OR2T11: variants seen among roughly 807,000 people sequenced by gnomAD.
OR2T11 encodes olfactory receptor family 2 subfamily T member 11, also known as olfactory receptor 2T11.
OR2T11 carries 14 observed loss-of-function variants against 13.5 expected under a neutral mutation model. The observed-to-expected ratio is 1.04, with a 90% CI of 0.69 to 1.62. OR2T11 has a LOEUF of 1.62. Among genes scored for constraint, OR2T11 ranks in the 40% most tolerant of loss-of-function variants. OR2T11 has a pLI of 0.00. For synonymous variants in OR2T11, 163 were observed against 154.6 expected (o/e 1.05, Z -0.40); for missense variants, 410 against 389.7 (o/e 1.05, Z -0.44).
In OR2T11 at chr1:248,629,078, A is replaced by G. The variant is rs1660566879; in HGVS notation, c.-144-1806T>C. On this transcript the variant is annotated intron_variant, in intron 1 of 1. Coordinates refer to ENST00000641193, the MANE Select transcript of OR2T11 (RefSeq NM_001001964.2). ...AGAGAGCACATCTCTTTGTCATATT[A>G]AACAAATTCAAACATTTTATCCAAA... is the stretch of plus-strand genomic sequence containing the variant. Among the ~76,000 whole-genome samples the G allele has an allele frequency of 1.4e-5, 2 of 143,748 alleles. 1 individual carries two copies. Among genetic ancestry groups the G allele is most frequent in the Non-Finnish European group, 3.0e-5 (2 of 66,372 alleles). The allele number at this position is 143,748 out of a possible 152,430, so 94.3% of individuals were successfully genotyped here. A position where few individuals can be genotyped will look rare whatever the true frequency, so the allele number is the denominator to read the frequency against.
chr1:248,628,252 C>T (rs969089033), intron 1 of OR2T11, among the ~76,000 whole-genome samples: 1 of 143,258 alleles, frequency 7.0e-6, no homozygotes. Context: ...TTTAACATAC[C>T]AGGTGGAAGA....
In OR2T11 at chr1:248,627,204, A is replaced by G. The variant is rs368210447; in HGVS notation, c.-76T>C. 27 of 858,506 alleles carry G rather than the reference A, an allele frequency of 3.1e-5. 1 individual carries two copies. The highest frequency in any genetic ancestry group is 3.1e-4 in the East Asian group (12 of 39,088). The allele number at this position is 858,506 out of a possible 1,614,324, so 53.2% of individuals were successfully genotyped here. A position where few individuals can be genotyped will look rare whatever the true frequency, so the allele number is the denominator to read the frequency against. ...AAGGAGGCAAGAGAACACGGTCAAG[A>G]TGGGAAAGGTCTGCAGTAGAGGTGA... is the stretch of plus-strand genomic sequence containing the variant. On this transcript the variant is annotated 5_prime_UTR_variant, in exon 2 of 2. Coordinates refer to ENST00000641193, the MANE Select transcript of OR2T11 (RefSeq NM_001001964.2).
At chr1:248,634,728 AACTTC>A (rs67460551) in intron 1 of OR2T11, among the ~76,000 whole-genome samples, 126,847 of 138,144 alleles carry the variant, frequency 0.92, 59,997 homozygotes, top group East Asian at 1. Flanking sequence ...TTCTTAGCAG[AACTTC>A]ACTTCATTTA....
chr1:248,630,794 G>A (rs1437668992), intron 1 of OR2T11, among the ~76,000 whole-genome samples: 1 of 143,546 alleles, frequency 7.0e-6, no homozygotes, highest in East Asian at 2.0e-4. Context: ...ATGTGCTAAT[G>A]TCTGGAACCG....
At position 248,625,575 on chromosome 1, in the gene OR2T11, C is replaced by CA. The variant is rs1210744574; in HGVS notation, c.*602dup. On this transcript the variant is annotated 3_prime_UTR_variant, in exon 2 of 2. Transcript: ENST00000641193. ...GAGTAGCTGTGTCATGCTGAACCTCCACCCATTCATACTCAGTTCTGTTCA... is the reference window on the plus strand; with the variant it reads ...GAGTAGCTGTGTCATGCTGAACCTCCAACCCATTCATACTCAGTTCTGTTCA... 6.9e-6 allele frequency: 1 copy of CA among 144,206 alleles called. No homozygotes were observed. Among genetic ancestry groups the CA allele is most frequent in the Non-Finnish European group, 1.5e-5 (1 of 66,690 alleles). 8.9% of individuals were successfully genotyped at this position (144,206 alleles called of 1,614,324 possible).
In OR2T11 at chr1:248,627,221, T is replaced by C. The variant is rs986550692; in HGVS notation, c.-93A>G. 2.8e-6 allele frequency: 2 copies of C among 722,756 alleles called. No homozygotes were observed. The highest frequency in any genetic ancestry group is 2.3e-5 in the Admixed American group (1 of 42,658). 44.8% of individuals were successfully genotyped at this position (722,756 alleles called of 1,614,324 possible). A position where few individuals can be genotyped will look rare whatever the true frequency, so the allele number is the denominator to read the frequency against. On this transcript the variant is annotated 5_prime_UTR_variant, in exon 2 of 2. Transcript: ENST00000641193. ...CGGTCAAGATGGGAAAGGTCTGCAG[T>C]AGAGGTGACACTTCTGAGGGTACCG...
At chr1:248,629,626 C>A (rs1660576250) in intron 1 of OR2T11, among the ~76,000 whole-genome samples, 1 of 138,092 alleles carries the variant, frequency 7.2e-6, no homozygotes, top group South Asian at 2.3e-4. Flanking sequence ...CCACTTTCTG[C>A]TTGAAACCCT....
In OR2T11 at chr1:248,624,728, CTGTATTTA is replaced by C. The variant is rs1660490888; in HGVS notation, c.*1442_*1449del. 1.4e-5 allele frequency: 2 copies of C among 144,064 alleles called. No individual in the cohort carries two copies. The highest frequency in any genetic ancestry group is 2.2e-4 in the South Asian group (1 of 4,610). 8.9% of individuals were successfully genotyped at this position (144,064 alleles called of 1,614,324 possible). A position where few individuals can be genotyped will look rare whatever the true frequency, so the allele number is the denominator to read the frequency against. Reference sequence around the variant, plus strand: ...CTTTACATATAGCTTCAATATCTTTCTGTATTTATGTATTTATCTTGAGACAAGGCCTC... The same window carrying C: ...CTTTACATATAGCTTCAATATCTTTCTGTATTTATCTTGAGACAAGGCCTC... On this transcript the variant is annotated 3_prime_UTR_variant, in exon 2 of 2. Coordinates refer to ENST00000641193, the MANE Select transcript of OR2T11 (RefSeq NM_001001964.2).
intron 1 of OR2T11, among the ~76,000 whole-genome samples, chr1:248,632,090 TTA>T (rs951333636): frequency 2.1e-5 from 3 of 143,486 alleles, no homozygotes; most frequent in Non-Finnish European, 3.0e-5. Context: ...TATGAATGTG[TTA>T]TCACATGTAC....
Position 248,627,228 on chromosome 1 carries a change from G to A in OR2T11, c.-100C>T, listed in dbSNP as rs914638767. 3.0e-5 allele frequency: 21 copies of A among 695,256 alleles called. 1 individual carries two copies. The African/African-American group carries it at 3.8e-4, about 13-fold the overall frequency. 43.1% of individuals were successfully genotyped at this position (695,256 alleles called of 1,614,324 possible). ...GATGGGAAAGGTCTGCAGTAGAGGTGACACTTCTGAGGGTACCGTCAGGAT... is the reference window on the plus strand; with the variant it reads ...GATGGGAAAGGTCTGCAGTAGAGGTAACACTTCTGAGGGTACCGTCAGGAT... On this transcript the variant is annotated 5_prime_UTR_variant, in exon 2 of 2. Transcript: ENST00000641193.
chr1:248,627,757 G>A lies in OR2T11; in HGVS notation c.-144-485C>T, dbSNP rs146190708. Among the ~76,000 whole-genome samples the A allele has an allele frequency of 2.5e-3, 351 of 142,634 alleles. 60 individuals are homozygous for A. The highest frequency in any genetic ancestry group is 9.2e-3 in the African/African-American group (333 of 36,108). 93.6% of individuals were successfully genotyped at this position (142,634 alleles called of 152,430 possible). ...TTAGGGTAACCGTAAGTCAAATAGC[G>A]TAGGTTGTGCTCACATTACTAATTT... On this transcript the variant is annotated intron_variant, in intron 1 of 1. Coordinates refer to ENST00000641193, the MANE Select transcript of OR2T11 (RefSeq NM_001001964.2).
intron 1 of OR2T11, among the ~76,000 whole-genome samples, chr1:248,632,228 T>A (rs1660624291): frequency 7.0e-6 from 1 of 143,674 alleles, no homozygotes; most frequent in Admixed American, 6.8e-5. Flanking sequence ...TCAATTGAAA[T>A]GGTACTAGTG....
rs748384784 is a variant in OR2T11, at chr1:248,625,092, C to T, written c.*1086G>A. On this transcript the variant is annotated 3_prime_UTR_variant, in exon 2 of 2. Transcript: ENST00000641193. ...GTGAATTCTTGACTTCTGCTACCGACAAGTTTTCCAAATATCAATATTCCA... is the reference window on the plus strand; with the variant it reads ...GTGAATTCTTGACTTCTGCTACCGATAAGTTTTCCAAATATCAATATTCCA... 7.0e-6 allele frequency: 1 copy of T among 143,796 alleles called. No homozygotes were observed. The highest frequency in any genetic ancestry group is 1.5e-5 in the Non-Finnish European group (1 of 66,368). The allele number at this position is 143,796 out of a possible 1,614,324, so 8.9% of individuals were successfully genotyped here. A position where few individuals can be genotyped will look rare whatever the true frequency, so the allele number is the denominator to read the frequency against.
At chr1:248,631,361 C>T (rs1660612028) in intron 1 of OR2T11, among the ~76,000 whole-genome samples, 1 of 143,724 alleles carries the variant, frequency 7.0e-6, no homozygotes, top group Admixed American at 6.8e-5. Context: ...TTCACAGCAC[C>T]TCGACGGGTC....
chr1:248,629,207 G>C (rs918964882), intron 1 of OR2T11, among the ~76,000 whole-genome samples: 4 of 142,406 alleles, frequency 2.8e-5, no homozygotes, highest in Admixed American at 2.1e-4. Context: ...AGGAGTTTGA[G>C]ATGAGCCTGG....
In OR2T11 at chr1:248,624,149, G is replaced by A. The variant is rs376784838; in HGVS notation, c.*2029C>T. On this transcript the variant is annotated 3_prime_UTR_variant, in exon 2 of 2. Coordinates refer to ENST00000641193, the MANE Select transcript of OR2T11 (RefSeq NM_001001964.2). The stretch of plus-strand genomic sequence containing the variant: ...TCTGTGCTTTCGGCCACTCTCAAAG[G>A]CCATCTTTCTGAAACTTTCCTCCAT... The A allele has an allele frequency of 1.4e-5, 2 of 142,532 alleles. No homozygotes were observed. The highest frequency in any genetic ancestry group is 5.5e-5 in the African/African-American group (2 of 36,108). The allele number at this position is 142,532 out of a possible 1,614,324, so 8.8% of individuals were successfully genotyped here.
At position 248,626,000 on chromosome 1, in the gene OR2T11, A is replaced by C. The variant is rs1660510430; in HGVS notation, c.*178T>G. The C allele has an allele frequency of 2.2e-6, 1 of 462,518 alleles. No individual in the cohort carries two copies. Among genetic ancestry groups the C allele is most frequent in the Non-Finnish European group, 3.8e-6 (1 of 262,858 alleles). The allele number at this position is 462,518 out of a possible 1,614,324, so 28.7% of individuals were successfully genotyped here. On this transcript the variant is annotated 3_prime_UTR_variant, in exon 2 of 2. Coordinates refer to ENST00000641193, the MANE Select transcript of OR2T11 (RefSeq NM_001001964.2). ...ACCATTTTTGATACTTCACTGAAAG[A>C]TCTCTGCATAACAGTAAAACATCTT...
Position 248,626,429 on chromosome 1 carries a change from C to G in OR2T11, c.700G>C (p.Ala234Pro), listed in dbSNP as rs1183633069. 7.0e-6 allele frequency: 11 copies of G among 1,570,894 alleles called. 1 individual carries two copies. The highest frequency in any genetic ancestry group is 9.5e-6 in the Non-Finnish European group (11 of 1,155,172). ...AAGTGGGAGGAACAAGTGGTGAAGG[C>G]CTTTTTGCGACCTTCAGCAGAGGGC... is the stretch of plus-strand genomic sequence containing the variant. ...RMPSAEGRKK[A>P]FTTCSSHLTV... The change falls in exon 2 of 2, where the codon GCC becomes CCC. Residue 234 changes from alanine (A) to proline (P), a missense_variant. Ala to Pro is a conservative substitution (Grantham distance 27, BLOSUM62 -1). Coordinates refer to ENST00000641193, the MANE Select transcript of OR2T11 (RefSeq NM_001001964.2).
chr1:248,630,962 A>T, intron 1 of OR2T11, among the ~76,000 whole-genome samples: 1 of 143,128 alleles, frequency 7.0e-6, no homozygotes, highest in African/African-American at 2.8e-5. Flanking sequence ...CGTGATATGA[A>T]AACAGGTCGG....
Sources: gnomAD v4.1 joint callset for allele counts (sites outside exome capture counted in the v4.1 genomes callset) on GRCh38, gnomAD v4.1.1 for gene constraint, MANE v1.5 for transcripts, NCBI Gene and HGNC (gene_info 2026-07-23, HGNC 2026-07-21) for gene names.